Variants in FHIT observed in about 807,000 individuals in gnomAD.
The protein encoded by FHIT is bis(5'-adenosyl)-triphosphatase.
In FHIT, 19 loss-of-function variants were observed where a neutral mutation model predicts 17.9. The ratio of observed to expected loss-of-function variants is 1.06; its 90% CI spans 0.74 to 1.56. The LOEUF (loss-of-function observed/expected upper bound fraction) is 1.56, where lower values mean the gene tolerates loss of function less well. Among genes scored for constraint, FHIT ranks in the 40% most tolerant of loss-of-function variants. The pLI, the probability that FHIT is intolerant of heterozygous loss-of-function variation, is 0.00. For missense variants in FHIT, 248 were observed against 189.2 expected, an observed-to-expected ratio of 1.31 and a Z score of -1.82; for synonymous variants, 81 against 69.7, an observed-to-expected ratio of 1.16 and a Z score of -0.81.
At chr3:60,795,907 A>G (rs1369085579) in intron 4 of FHIT, among the ~76,000 whole-genome samples, 6 of 152,154 alleles carry the variant, frequency 3.9e-5, no homozygotes, top group African/African-American at 1.4e-4. Flanking sequence ...GTCTGTTTTC[A>G]TGCTGCTGAT....
intron 5 of FHIT, among the ~76,000 whole-genome samples, chr3:60,354,021 T>TAAGAGA (rs1182288483): frequency 6.6e-6 from 1 of 152,080 alleles, no homozygotes; most frequent in African/African-American, 2.4e-5. Context: ...TGTAGTAGGA[T>TAAGAGA]TTTTCTATCA....
chr3:60,598,651 C>CA (rs1475802114), intron 4 of FHIT, among the ~76,000 whole-genome samples: 5 of 152,238 alleles, frequency 3.3e-5, no homozygotes, highest in Admixed American at 6.5e-5. Flanking sequence ...TTATCAGCAC[C>CA]AAAAAACAGT....
chr3:61,207,286 T>G (rs1455217549), intron 1 of FHIT, among the ~76,000 whole-genome samples: 2 of 152,168 alleles, frequency 1.3e-5, no homozygotes, highest in South Asian at 2.1e-4. Flanking sequence ...TTCTCTTTTT[T>G]TGTTGTGTCT....
intron 5 of FHIT, among the ~76,000 whole-genome samples, chr3:60,099,436 A>G (rs1704100973): frequency 6.6e-6 from 1 of 152,188 alleles, no homozygotes. Flanking sequence ...AGGAGGGTCA[A>G]AGAACATTTC....
intron 4 of FHIT, among the ~76,000 whole-genome samples, chr3:60,636,565 CA>C (rs1256625357): frequency 3.3e-5 from 5 of 152,116 alleles, no homozygotes; most frequent in African/African-American, 1.2e-4. Flanking sequence ...AACGCAAGAT[CA>C]AGAGTGGCAA....
chr3:61,048,080 C>G (rs1227938530), intron 2 of FHIT, among the ~76,000 whole-genome samples: 2 of 151,616 alleles, frequency 1.3e-5, no homozygotes, highest in African/African-American at 4.8e-5. Context: ...GACTTCATGT[C>G]TAAAACACCA....
At chr3:60,570,450 GGGATCAGGAGGAGATAAGAACCT>G (rs980700640) in intron 4 of FHIT, among the ~76,000 whole-genome samples, 16 of 152,076 alleles carry the variant, frequency 1.1e-4, no homozygotes, top group African/African-American at 3.4e-4. Flanking sequence ...AGGTAGGAAA[GGGATCAGGAGGAGATAAGAACCT>G]GTAACTTATC....
intron 5 of FHIT, among the ~76,000 whole-genome samples, chr3:60,104,802 T>C (rs1704340281): frequency 6.6e-6 from 1 of 152,122 alleles, no homozygotes; most frequent in South Asian, 2.1e-4. Flanking sequence ...AGTTCAAATT[T>C]AGTCACTTCA....
At chr3:59,838,866 T>A (rs1294820325) in intron 8 of FHIT, among the ~76,000 whole-genome samples, 1 of 152,186 alleles carries the variant, frequency 6.6e-6, no homozygotes, top group African/African-American at 2.4e-5. Context: ...AGTAGGAAAC[T>A]GAAGCGGGCT....
intron 8 of FHIT, among the ~76,000 whole-genome samples, chr3:59,810,513 G>C (rs535081078): frequency 6.6e-6 from 1 of 152,154 alleles, no homozygotes; most frequent in African/African-American, 2.4e-5. Context: ...TTACAATAGC[G>C]GTAGAATAAG....
chr3:61,204,279 G>C (rs2039132729), intron 1 of FHIT, among the ~76,000 whole-genome samples: 1 of 152,136 alleles, frequency 6.6e-6, no homozygotes, highest in African/African-American at 2.4e-5. Context: ...GAGGAATGGG[G>C]GGGCTTCTGG....
chr3:61,241,308 C>G (rs1003702043), intron 1 of FHIT, among the ~76,000 whole-genome samples: 1 of 152,138 alleles, frequency 6.6e-6, no homozygotes, highest in Non-Finnish European at 1.5e-5. Context: ...CTCAGGGCTC[C>G]AAACGCATAG....
At chr3:59,885,598 C>G (rs1052962394) in intron 8 of FHIT, among the ~76,000 whole-genome samples, 10 of 152,104 alleles carry the variant, frequency 6.6e-5, no homozygotes, top group African/African-American at 2.4e-4. Context: ...TTTTCAAGAG[C>G]CAGCTTCACA....
At chr3:61,100,864 A>G (rs2035798709) in intron 2 of FHIT, among the ~76,000 whole-genome samples, 1 of 152,176 alleles carries the variant, frequency 6.6e-6, no homozygotes, top group Non-Finnish European at 1.5e-5. Context: ...TCTTCTTTTG[A>G]GAAGTGTCTG....
intron 5 of FHIT, among the ~76,000 whole-genome samples, chr3:60,249,375 C>T (rs2107588026): frequency 6.6e-6 from 1 of 152,196 alleles, no homozygotes; most frequent in East Asian, 1.9e-4. Flanking sequence ...TTCTCCTCCT[C>T]CACAAAACCC....
chr3:60,705,953 A>T (rs782730034), intron 4 of FHIT, among the ~76,000 whole-genome samples: 2 of 152,216 alleles, frequency 1.3e-5, no homozygotes, highest in Non-Finnish European at 2.9e-5. Context: ...AGCCTTCTCA[A>T]AAATGTATTT....
intron 7 of FHIT, among the ~76,000 whole-genome samples, chr3:60,003,179 A>T (rs212020): frequency 6.6e-6 from 1 of 152,120 alleles, no homozygotes; most frequent in African/African-American, 2.4e-5. Flanking sequence ...CGAAACCCTC[A>T]GGTACAATTC....
rs1429281524 is a variant in FHIT at position 60,259,793 on chromosome 3, AG to A, written c.104-245642del. 7.9e-5 allele frequency among the ~76,000 whole-genome samples: 12 copies of A among 152,224 alleles called. No individual in the cohort carries two copies. In the East Asian group the frequency reaches 2.3e-3, roughly 29 times the overall value. On this transcript the variant is annotated intron_variant, in intron 5 of 9. Coordinates refer to ENST00000492590, the MANE Select transcript of FHIT (RefSeq NM_002012.4). ...TGCTGTTACCATGGGTTTTCTAGAA[AG>A]GGTATCCAATATAAATTGGAATCCA... is the stretch of plus-strand genomic sequence containing the variant.
At chr3:60,725,929 T>C (rs946284347) in intron 4 of FHIT, among the ~76,000 whole-genome samples, 2 of 152,074 alleles carry the variant, frequency 1.3e-5, no homozygotes, top group Non-Finnish European at 2.9e-5. Flanking sequence ...TAAGGCTCAC[T>C]GATGTAAAAA....
Sources: allele counts gnomAD v4.1 joint callset (sites outside exome capture counted in the v4.1 genomes callset), GRCh38; gene constraint gnomAD v4.1.1; transcripts MANE v1.5; gene names NCBI Gene and HGNC (gene_info 2026-07-23, HGNC 2026-07-21).